Variants in EEFSEC observed in about 807,000 individuals in gnomAD.
EEFSEC encodes selenocysteine-specific elongation factor.
EEFSEC carries 43 observed loss-of-function variants against 42.1 expected under a neutral mutation model. The observed-to-expected ratio is 1.02, with a 90% confidence interval of 0.80 to 1.32. The LOEUF (loss-of-function observed/expected upper bound fraction) is 1.32, where lower values mean the gene tolerates loss of function less well. EEFSEC is among the 40% of genes most tolerant of loss of function. The pLI, the probability that EEFSEC is intolerant of heterozygous loss-of-function variation, is 0.00. For synonymous variants in EEFSEC, 354 were observed against 339.1 expected (o/e 1.04, Z -0.48); for missense variants, 745 against 803.6 (o/e 0.93, Z 0.88).
intron 1 of EEFSEC, among the ~76,000 whole-genome samples, chr3:128,209,101 T>C (rs1248089649): frequency 6.6e-6 from 1 of 152,206 alleles, no homozygotes; most frequent in Non-Finnish European, 1.5e-5. Context: ...TTGTAGAACA[T>C]GTGTTCCATG....
intron 6 of EEFSEC, among the ~76,000 whole-genome samples, chr3:128,375,182 G>A (rs933930782): frequency 1.3e-5 from 2 of 152,260 alleles, no homozygotes; most frequent in African/African-American, 4.8e-5. Context: ...TGTCCTGTGA[G>A]TTCGAGTGTG....
At chr3:128,283,191 G>T (rs2066546897) in intron 4 of EEFSEC, among the ~76,000 whole-genome samples, 1 of 152,220 alleles carries the variant, frequency 6.6e-6, no homozygotes, top group Admixed American at 6.5e-5. Context: ...GGACTAGGCG[G>T]TTAAGGCTCG....
intron 1 of EEFSEC, 121 bp downstream of exon 1, chr3:128,153,944 T>C (rs888393808): frequency 5.2e-6 from 7 of 1,339,896 alleles, no homozygotes; most frequent in Admixed American, 7.1e-5. Context: ...TTGGTGGGGC[T>C]CCTGACGCCC....
chr3:128,156,512 C>T (rs963118360), intron 1 of EEFSEC, among the ~76,000 whole-genome samples: 4 of 152,158 alleles, frequency 2.6e-5, no homozygotes, highest in Admixed American at 2.0e-4. Context: ...TTTTACAAAT[C>T]GAAGGTTCAA....
chr3:128,270,284 C>G (rs925628256), intron 4 of EEFSEC, among the ~76,000 whole-genome samples: 5 of 152,144 alleles, frequency 3.3e-5, no homozygotes, highest in African/African-American at 1.2e-4. Context: ...GGGCACCTTC[C>G]TGGGTGTAAG....
chr3:128,395,037 A>T (rs2067964777), intron 6 of EEFSEC, among the ~76,000 whole-genome samples: 1 of 152,212 alleles, frequency 6.6e-6, no homozygotes, highest in African/African-American at 2.4e-5. Context: ...CTCCACGGCC[A>T]TGAGCGAGGG....
At chr3:128,373,734 G>A (rs1035191916) in intron 6 of EEFSEC, among the ~76,000 whole-genome samples, 1 of 152,196 alleles carries the variant, frequency 6.6e-6, no homozygotes, top group African/African-American at 2.4e-5. Flanking sequence ...TATTCATCCA[G>A]TCTCCTGTCC....
chr3:128,354,092 G>A (rs1478433584), intron 5 of EEFSEC, among the ~76,000 whole-genome samples: 1 of 152,144 alleles, frequency 6.6e-6, no homozygotes, highest in Non-Finnish European at 1.5e-5. Flanking sequence ...CCCAGCTGCT[G>A]TGAAATGACA....
intron 1 of EEFSEC, among the ~76,000 whole-genome samples, chr3:128,215,188 A>G (rs1222200960): frequency 6.6e-6 from 1 of 152,072 alleles, no homozygotes; most frequent in Non-Finnish European, 1.5e-5. Flanking sequence ...GTTCATGGAT[A>G]TATGTCTTAT....
At chr3:128,324,232 T>G (rs1362472332) in intron 4 of EEFSEC, among the ~76,000 whole-genome samples, 1 of 148,402 alleles carries the variant, frequency 6.7e-6, no homozygotes, top group Non-Finnish European at 1.5e-5. Context: ...CTCACTTTTA[T>G]GTTAAAACAA....
At chr3:128,367,643 C>T (rs2067605982) in intron 6 of EEFSEC, 1 of 985,390 alleles carries the variant, frequency 1.0e-6, no homozygotes, top group African/African-American at 1.7e-5. Context: ...CTTAGGCTGC[C>T]GATTATGGAC....
chr3:128,364,395 C>T (rs2067563696), intron 6 of EEFSEC, among the ~76,000 whole-genome samples: 2 of 152,158 alleles, frequency 1.3e-5, no homozygotes, highest in Admixed American at 6.5e-5. Flanking sequence ...GGAGGAGTAG[C>T]CTTCTGAGCA....
chr3:128,264,110 C>T (rs1456416908), intron 3 of EEFSEC, among the ~76,000 whole-genome samples: 1 of 152,204 alleles, frequency 6.6e-6, no homozygotes, highest in East Asian at 1.9e-4. Flanking sequence ...ACAGGCGAGG[C>T]TCAGCCAGCT....
intron 6 of EEFSEC, among the ~76,000 whole-genome samples, chr3:128,360,215 A>ATGTGGGT (rs1475752673): frequency 2.0e-5 from 3 of 152,218 alleles, no homozygotes; most frequent in Non-Finnish European, 4.4e-5. Flanking sequence ...GTCTTTGTGC[A>ATGTGGGT]TCGCTTCAGT....
chr3:128,306,690 A>G (rs1348720571), intron 4 of EEFSEC, among the ~76,000 whole-genome samples: 1 of 152,238 alleles, frequency 6.6e-6, no homozygotes, highest in Non-Finnish European at 1.5e-5. Context: ...TACCTATTGG[A>G]TAAGATAAGA....
intron 1 of EEFSEC, among the ~76,000 whole-genome samples, chr3:128,231,423 T>A (rs2107866572): frequency 6.6e-6 from 1 of 152,066 alleles, no homozygotes; most frequent in East Asian, 1.9e-4. Flanking sequence ...TAACTCTGGC[T>A]CTCCCGTCTC....
intron 6 of EEFSEC, 108 bp from the exon 7 acceptor site, chr3:128,407,961 A>C: frequency 9.4e-7 from 1 of 1,063,974 alleles, no homozygotes; most frequent in Non-Finnish European, 1.3e-6. Context: ...CTGATTGGCT[A>C]GGGAGGGAGG....
At chr3:128,323,484 C>T (rs1231807136) in intron 4 of EEFSEC, among the ~76,000 whole-genome samples, 1 of 152,240 alleles carries the variant, frequency 6.6e-6, no homozygotes, top group Non-Finnish European at 1.5e-5. Flanking sequence ...CCTCACTTCA[C>T]AGGTGCAGTG....
At position 128,375,600 on chromosome 3, in the gene EEFSEC, G is replaced by A. The variant is rs7648559; in HGVS notation, c.1600+17227G>A. 9.9e-3 allele frequency among the ~76,000 whole-genome samples: 1,504 copies of A among 152,258 alleles called. 7 individuals carry two copies. Among genetic ancestry groups the A allele is most frequent in the African/African-American group, 0.02 (841 of 41,534 alleles). On this transcript the variant is annotated intron_variant, in intron 6 of 6. Transcript: ENST00000254730. ...AGCTTTCCTTCATTCTGCCACTTGC[G>A]CTGGGTGCTCTGGCCTCAGCTCAGA... is the stretch of plus-strand genomic sequence containing the variant.
Sources: allele counts gnomAD v4.1 joint callset (sites outside exome capture counted in the v4.1 genomes callset), GRCh38; gene constraint gnomAD v4.1.1; transcripts MANE v1.5; gene names NCBI Gene and HGNC (gene_info 2026-07-23, HGNC 2026-07-21).